LAMA3: variants seen among roughly 807,000 people sequenced by gnomAD.
The protein encoded by LAMA3 is laminin subunit alpha-3.
LAMA3 carries 281 observed loss-of-function variants against 402.0 expected under a neutral mutation model. The observed-to-expected ratio is 0.70, with a 90% CI of 0.63 to 0.77. LAMA3 has a LOEUF of 0.77. Ranked by LOEUF, LAMA3 falls within the 30% of genes least tolerant of loss-of-function variation. The pLI, the probability that LAMA3 is intolerant of heterozygous loss-of-function variation, is 0.00. For synonymous variants in LAMA3, 1,431 were observed against 1,558.4 expected (o/e 0.92, Z 1.93); for missense variants, 3,840 against 4,215.5 (o/e 0.91, Z 2.47).
Position 23,830,060 on chromosome 18 carries a change from TGCTTCCAGACCTAGAGGACAACAG to T in LAMA3, c.2823+2598_2823+2621del, listed in dbSNP as rs532463992. On this transcript the variant is annotated intron_variant, in intron 23 of 74. Transcript: ENST00000313654. Reference sequence around the variant, plus strand: ...AGCTAAACTGCTGACCAAAATAATCTGCTTCCAGACCTAGAGGACAACAGGCTTGTGACTTCAGTCCTGGTGCCA... The same window carrying T: ...AGCTAAACTGCTGACCAAAATAATCTGCTTGTGACTTCAGTCCTGGTGCCA... 1.8e-3 allele frequency among the ~76,000 whole-genome samples: 275 copies of T among 152,342 alleles called. 2 individuals are homozygous for T. The highest frequency in any genetic ancestry group is 4.9e-4 in the Non-Finnish European group (33 of 68,030).
At chr18:23,775,487 A>G (rs1335707321) in intron 9 of LAMA3, among the ~76,000 whole-genome samples, 24 of 150,270 alleles carry the variant, frequency 1.6e-4, no homozygotes, top group Non-Finnish European at 3.4e-4. Context: ...CCCACCCCCA[A>G]CCCCTCTGAC....
At chr18:23,846,274 A>G (rs768340089) in intron 30 of LAMA3, 23 bp from the exon 31 acceptor site, 3 of 1,612,678 alleles carry the variant, frequency 1.9e-6, no homozygotes, top group African/African-American at 1.3e-5. Flanking sequence ...AGGCATCACC[A>G]TGAGTTGTTT....
chr18:23,904,050 G>A lies in LAMA3; in HGVS notation c.6436G>A (p.Ala2146Thr), dbSNP rs146005577. 501 of 1,614,024 alleles carry A rather than the reference G, an allele frequency of 3.1e-4. 2 individuals carry two copies. The highest frequency in any genetic ancestry group is 3.1e-3 in the South Asian group (282 of 91,070). Residue 2146 changes from alanine (A) to threonine (T), a missense_variant, in exon 50 of 75, where the codon GCG becomes ACG. Transcript: ENST00000313654. Reference protein sequence around the residue: ...TSLVEEAEKHARSLQELAKQL... With the variant: ...TSLVEEAEKHTRSLQELAKQL... Reference sequence around the variant, plus strand: ...CCTTGTGGAGGAGGCAGAAAAGCACGCGCGGTCCTTACAAGAGCTGGCAAA... The same window carrying A: ...CCTTGTGGAGGAGGCAGAAAAGCACACGCGGTCCTTACAAGAGCTGGCAAA...
At chr18:23,779,510 T>A (rs1437551032) in intron 11 of LAMA3, among the ~76,000 whole-genome samples, 1 of 152,064 alleles carries the variant, frequency 6.6e-6, no homozygotes, top group African/African-American at 2.4e-5. Flanking sequence ...CCAAGGCTTT[T>A]CGGCTGAGCA....
chr18:23,921,466 T>C lies in LAMA3; in HGVS notation c.8058T>C (p.Ile2686=), dbSNP rs907190727. 1 of 1,612,706 alleles carries C rather than the reference T, an allele frequency of 6.2e-7. No individual in the cohort carries two copies. Among genetic ancestry groups the C allele is most frequent in the African/African-American group, 1.3e-5 (1 of 75,016 alleles). ...ATTTATTTCAGATTCAGATCAAAAT[T>C]GGAAAACTCCAAAAGCGTATGTGGA... The part of the protein sequence containing the change: ...NGRDHSIQIK[I]GKLQKRMWIN... Residue 2686 remains isoleucine, a synonymous_variant, in exon 62 of 75, where the codon ATT becomes ATC. Coordinates refer to ENST00000313654, the MANE Select transcript of LAMA3 (RefSeq NM_198129.4).
At chr18:23,704,996 G>T (rs1390302732) in intron 1 of LAMA3, among the ~76,000 whole-genome samples, 1 of 152,170 alleles carries the variant, frequency 6.6e-6, no homozygotes, top group African/African-American at 2.4e-5. Context: ...ACTCTGCTTA[G>T]TTGTTTATGG....
intron 1 of LAMA3, among the ~76,000 whole-genome samples, chr18:23,692,349 G>A (rs2060605573): frequency 3.3e-5 from 5 of 152,208 alleles, no homozygotes; most frequent in Admixed American, 3.3e-4. Flanking sequence ...TCAGCTCACT[G>A]CAACCTCCGC....
At chr18:23,825,848 A>G (rs570157403) in intron 21 of LAMA3, among the ~76,000 whole-genome samples, 12 of 152,052 alleles carry the variant, frequency 7.9e-5, no homozygotes, top group African/African-American at 2.9e-4. Flanking sequence ...AACCTTTACT[A>G]TTCTATTATC....
At chr18:23,942,237 G>A (rs1418925086) in intron 68 of LAMA3, among the ~76,000 whole-genome samples, 2 of 152,210 alleles carry the variant, frequency 1.3e-5, no homozygotes, top group Non-Finnish European at 2.9e-5. Context: ...CTGTGAGTGG[G>A]ATGAACCCAT....
chr18:23,816,369 G>A lies in LAMA3; in HGVS notation c.2048-19G>A. 1 of 1,606,770 alleles carries A rather than the reference G, an allele frequency of 6.2e-7. No individual in the cohort carries two copies. The highest frequency in any genetic ancestry group is 8.5e-7 in the Non-Finnish European group (1 of 1,173,334). On this transcript the variant is annotated intron_variant, in intron 17 of 74. Coordinates refer to ENST00000313654, the MANE Select transcript of LAMA3 (RefSeq NM_198129.4). The stretch of plus-strand genomic sequence containing the variant: ...GGAGATGGTTTAAGGTATAACTGCT[G>A]CTGTTTCCTGGCTTTCAGGGTGTCA...
At chr18:23,901,054 C>T (rs1318658287) in intron 47 of LAMA3, 73 bp from the exon 48 acceptor site, 2 of 1,326,832 alleles carry the variant, frequency 1.5e-6, no homozygotes, top group African/African-American at 1.4e-5. Context: ...CTCGATTCTC[C>T]CTTTGTAGTT....
chr18:23,742,071 G>A (rs745504982), intron 2 of LAMA3, among the ~76,000 whole-genome samples: 67 of 152,194 alleles, frequency 4.4e-4, no homozygotes, highest in Non-Finnish European at 6.8e-4. Flanking sequence ...GCAGTGAGCC[G>A]AGATCGTGCC....
chr18:23,735,271 C>T (rs1039922644), intron 2 of LAMA3, among the ~76,000 whole-genome samples: 2 of 152,194 alleles, frequency 1.3e-5, no homozygotes, highest in Admixed American at 1.3e-4. Context: ...AAAAGATTCC[C>T]TGGGATTTTT....
intron 18 of LAMA3, among the ~76,000 whole-genome samples, chr18:23,817,284 AT>A (rs1441238547): frequency 6.6e-6 from 1 of 152,050 alleles, no homozygotes; most frequent in East Asian, 1.9e-4. Flanking sequence ...TTCATCCATG[AT>A]TTTTCCTCTG....
rs1036030520 is a variant in LAMA3 at position 23,845,142 on chromosome 18, G to C, written c.3719+18G>C. 1.4e-6 allele frequency: 2 copies of C among 1,404,610 alleles called. No homozygotes were observed. The highest frequency in any genetic ancestry group is 3.3e-5 in the Admixed American group (2 of 59,736). The allele number at this position is 1,404,610 out of a possible 1,614,324, so 87.0% of individuals were successfully genotyped here. On this transcript the variant is annotated intron_variant, in intron 30 of 74. Coordinates refer to ENST00000313654, the MANE Select transcript of LAMA3 (RefSeq NM_198129.4). ...TACCTTGAGTGAGTATCACTTTGTGGGAAGGCTCTGGAATGCAGAGGCACT... is the reference window on the plus strand; with the variant it reads ...TACCTTGAGTGAGTATCACTTTGTGCGAAGGCTCTGGAATGCAGAGGCACT...
rs138444608 is a variant in LAMA3, at chr18:23,812,532, G to A, written c.1742-525G>A. Among the ~76,000 whole-genome samples, 341 of 152,288 alleles carry A rather than the reference G, an allele frequency of 2.2e-3. 1 individual carries two copies. The highest frequency in any genetic ancestry group is 8.0e-3 in the African/African-American group (331 of 41,556). The stretch of plus-strand genomic sequence containing the variant: ...TCAAACACTGTGTAATTGTAATACT[G>A]AAACATTGCAAGATCCCAATTTATT... On this transcript the variant is annotated intron_variant, in intron 13 of 74. Coordinates refer to ENST00000313654, the MANE Select transcript of LAMA3 (RefSeq NM_198129.4).
At chr18:23,772,089 TG>T (rs2062211527) in intron 8 of LAMA3, among the ~76,000 whole-genome samples, 1 of 151,212 alleles carries the variant, frequency 6.6e-6, no homozygotes, top group Admixed American at 6.6e-5. Context: ...TCACCCTGGC[TG>T]GAGTGCAGTG....
intron 35 of LAMA3, among the ~76,000 whole-genome samples, chr18:23,862,846 A>G (rs1598946199): frequency 6.6e-6 from 1 of 152,120 alleles, no homozygotes; most frequent in Non-Finnish European, 1.5e-5. Flanking sequence ...AAGCTCACCC[A>G]CATGGCTGTT....
intron 8 of LAMA3, among the ~76,000 whole-genome samples, chr18:23,765,247 C>CG (rs1264812387): frequency 6.6e-6 from 1 of 152,200 alleles, no homozygotes; most frequent in African/African-American, 2.4e-5. Flanking sequence ...ACAACTCCAA[C>CG]TTGTGGAAAG....
Sources: allele counts gnomAD v4.1 joint callset (sites outside exome capture counted in the v4.1 genomes callset), GRCh38; gene constraint gnomAD v4.1.1; transcripts MANE v1.5; gene names NCBI Gene and HGNC (gene_info 2026-07-23, HGNC 2026-07-21).